Variants in PTPN14 observed in about 807,000 individuals in gnomAD.
The protein encoded by PTPN14 is tyrosine-protein phosphatase non-receptor type 14.
In PTPN14, 53 loss-of-function variants were observed where a neutral mutation model predicts 126.8. The observed-to-expected ratio is 0.42, with a 90% CI of 0.34 to 0.53. The LOEUF (loss-of-function observed/expected upper bound fraction) is 0.53. Ranked by LOEUF, PTPN14 falls within the 20% of genes least tolerant of loss-of-function variation. The pLI is 0.08. For missense variants in PTPN14, 1,257 were observed against 1,552.9 expected (o/e 0.81, Z 3.20); for synonymous variants, 630 against 599.3 (o/e 1.05, Z -0.75).
At chr1:214,520,271 T>C (rs545597183) in intron 1 of PTPN14, among the ~76,000 whole-genome samples, 8 of 152,014 alleles carry the variant, frequency 5.3e-5, no homozygotes, top group Middle Eastern at 6.8e-3. Flanking sequence ...TCCTCTTTTC[T>C]TTTGATTCTC....
intron 3 of PTPN14, among the ~76,000 whole-genome samples, chr1:214,431,562 T>C (rs958028037): frequency 2.0e-5 from 3 of 152,300 alleles, no homozygotes; most frequent in African/African-American, 4.8e-5. Context: ...TTTCGTTATA[T>C]TTAAGGCTGG....
rs529048521 is a variant in PTPN14, at chr1:214,532,577, T to C, written c.-155+18606A>G. Reference sequence around the variant, plus strand: ...GAGACTGGGGGCCATTACTTCAAGATCATCGAGGACCTGAGGGCTCAGATC... The same window carrying C: ...GAGACTGGGGGCCATTACTTCAAGACCATCGAGGACCTGAGGGCTCAGATC... On this transcript the variant is annotated intron_variant, in intron 1 of 18. Transcript: ENST00000366956. The C allele has an allele frequency of 7.6e-5, 81 of 1,061,690 alleles. No individual in the cohort carries two copies. In the South Asian group the frequency reaches 9.1e-4, roughly 12 times the overall value. The allele number at this position is 1,061,690 out of a possible 1,614,324, so 65.8% of individuals were successfully genotyped here.
In PTPN14 at chr1:214,401,745, C is replaced by T. The variant is rs1405992785; in HGVS notation, c.609G>A (p.Leu203=). The T allele has an allele frequency of 6.3e-7, 1 of 1,593,588 alleles. No individual in the cohort carries two copies. Among genetic ancestry groups the T allele is most frequent in the African/African-American group, 1.3e-5 (1 of 74,442 alleles). The part of the protein sequence containing the change: ...HSGILPAEAE[L]MYINEVERLD... ...AACGTTCAACTTCATTGATGTACAT[C>T]AGTTCAGCTTCTGCTGGCAGGATTC... Residue 203 remains leucine (L), a synonymous_variant, in exon 7 of 19, where the codon CTG becomes CTA. Coordinates refer to ENST00000366956, the MANE Select transcript of PTPN14 (RefSeq NM_005401.5).
At position 214,364,079 on chromosome 1, in the gene PTPN14, A is replaced by G. The variant is rs79788154; in HGVS notation, c.3435+433T>C. On this transcript the variant is annotated intron_variant, in intron 18 of 18. Coordinates refer to ENST00000366956, the MANE Select transcript of PTPN14 (RefSeq NM_005401.5). This position sits in a 1 kb window ranked among gnomAD's most constrained non-coding sequence, Gnocchi z 4.1. ...CAAACCTCACTCTGAAGAATGAAAA[A>G]CATTTTCCAAGTAGACACATTTTCA... 3.2e-3 allele frequency among the ~76,000 whole-genome samples: 492 copies of G among 152,314 alleles called. 2 individuals are homozygous for G. Among genetic ancestry groups the G allele is most frequent in the African/African-American group, 0.011 (471 of 41,578 alleles).
At chr1:214,382,727 ATG>A (rs1000451355) in intron 13 of PTPN14, among the ~76,000 whole-genome samples, 1 of 152,224 alleles carries the variant, frequency 6.6e-6, no homozygotes, top group African/African-American at 2.4e-5. Flanking sequence ...GTATTCACGT[ATG>A]TGTGTGAATT....
chr1:214,532,676 G>C, intron 1 of PTPN14: 1 of 829,318 alleles, frequency 1.2e-6, no homozygotes, highest in Non-Finnish European at 2.1e-6. Flanking sequence ...GATGACTTTA[G>C]AGTCAAGTAT....
intron 2 of PTPN14, among the ~76,000 whole-genome samples, chr1:214,457,731 T>C (rs10779616): frequency 0.27 from 41,206 of 152,102 alleles, 6,398 homozygotes; most frequent in Non-Finnish European, 0.34. Context: ...ATAAATATTA[T>C]TTAAAACACG....
At chr1:214,397,243 C>T (rs548846410) in intron 8 of PTPN14, among the ~76,000 whole-genome samples, 135 of 152,218 alleles carry the variant, frequency 8.9e-4, no homozygotes, top group African/African-American at 3.1e-3. Context: ...TACACAGATC[C>T]GCCTCAGACA....
chr1:214,383,391 T>C lies in PTPN14; in HGVS notation c.2464A>G (p.Lys822Glu). Residue 822 changes from lysine to glutamate, a missense_variant, in exon 13 of 19, where the codon AAA becomes GAA. Coordinates refer to ENST00000366956, the MANE Select transcript of PTPN14 (RefSeq NM_005401.5). The surrounding 1 kb of genome is among the most constrained non-coding windows in gnomAD (Gnocchi z 4.4). ...DLTSVKERVK[K>E]EPVKERPVSE... ...ACAGGTCTCTCCTTCACAGGCTCTT[T>C]TTTGACCCGCTCCTTCACACTAGTC... 1 of 1,614,240 alleles carries C rather than the reference T, an allele frequency of 6.2e-7. No individual in the cohort carries two copies. The highest frequency in any genetic ancestry group is 8.5e-7 in the Non-Finnish European group (1 of 1,180,050).
chr1:214,523,489 T>C (rs761889651), intron 1 of PTPN14, among the ~76,000 whole-genome samples: 5 of 152,226 alleles, frequency 3.3e-5, no homozygotes, highest in Admixed American at 6.5e-5. Flanking sequence ...GTCTGTAGCC[T>C]AGGAGCAATA....
At chr1:214,515,254 T>C (rs1444406072) in intron 1 of PTPN14, among the ~76,000 whole-genome samples, 1 of 152,034 alleles carries the variant, frequency 6.6e-6, no homozygotes, top group African/African-American at 2.4e-5. Flanking sequence ...AGTTCAGCAT[T>C]TGGGAGAAAA....
intron 2 of PTPN14, among the ~76,000 whole-genome samples, chr1:214,455,043 C>T (rs1435205791): frequency 6.6e-6 from 1 of 152,168 alleles, no homozygotes; most frequent in Non-Finnish European, 1.5e-5. Context: ...TAGCTATTTT[C>T]CTACTCTGGA....
chr1:214,500,162 GT>G (rs1251420654), intron 1 of PTPN14, among the ~76,000 whole-genome samples: 1 of 151,990 alleles, frequency 6.6e-6, no homozygotes, highest in Non-Finnish European at 1.5e-5. Context: ...AAGAATCAAA[GT>G]TTCCAGAAAA....
At chr1:214,524,531 AGTCCCAGCTCCTC>A (rs1469379272) in intron 1 of PTPN14, among the ~76,000 whole-genome samples, 2 of 152,106 alleles carry the variant, frequency 1.3e-5, no homozygotes, top group African/African-American at 4.8e-5. Flanking sequence ...GCACACCTGT[AGTCCCAGCTCCTC>A]GGAAGGCTGA....
chr1:214,520,065 A>AAAAAATATATATAT, intron 1 of PTPN14, among the ~76,000 whole-genome samples: 11 of 71,100 alleles, frequency 1.5e-4, no homozygotes, highest in East Asian at 4.8e-4. Flanking sequence ...AAAAAAAAAA[A>AAAAAATATATATAT]ATATATATAT....
intron 3 of PTPN14, among the ~76,000 whole-genome samples, chr1:214,430,257 A>T (rs1021196906): frequency 6.6e-6 from 1 of 152,112 alleles, no homozygotes; most frequent in African/African-American, 2.4e-5. Flanking sequence ...CGCTTTAGGT[A>T]TTTGGGAGAG....
intron 3 of PTPN14, among the ~76,000 whole-genome samples, chr1:214,437,965 C>G (rs1472967972): frequency 2.0e-5 from 3 of 152,156 alleles, no homozygotes; most frequent in Non-Finnish European, 2.9e-5. Context: ...GTACAATAAC[C>G]TACATATTTT....
At chr1:214,437,042 C>T (rs1285668137) in intron 3 of PTPN14, among the ~76,000 whole-genome samples, 3 of 150,416 alleles carry the variant, frequency 2.0e-5, no homozygotes, top group Non-Finnish European at 4.4e-5. Context: ...ATATAGTGTA[C>T]TTCTAGTTGG....
At chr1:214,465,193 T>G (rs565210687) in intron 1 of PTPN14, among the ~76,000 whole-genome samples, 2 of 152,310 alleles carry the variant, frequency 1.3e-5, no homozygotes, top group South Asian at 4.1e-4. Flanking sequence ...AAAGGAAGAT[T>G]CAAAGAGATT....
Sources: allele counts gnomAD v4.1 joint callset (sites outside exome capture counted in the v4.1 genomes callset), GRCh38; gene constraint gnomAD v4.1.1; non-coding constraint Gnocchi (gnomAD v3.1); transcripts MANE v1.5; gene names NCBI Gene and HGNC (gene_info 2026-07-23, HGNC 2026-07-21).